CCSER1: variants seen among roughly 807,000 people sequenced by gnomAD.
The protein encoded by CCSER1 is coiled-coil serine rich protein 1, also known as serine-rich coiled-coil domain-containing protein 1.
A neutral mutation model predicts 82.0 loss-of-function variants in CCSER1; 41 were observed. That is an observed-to-expected ratio of 0.50 (90% CI 0.39 to 0.65). CCSER1 has a LOEUF of 0.65. Ranked by LOEUF, CCSER1 falls within the 30% of genes least tolerant of loss-of-function variation. The pLI is 0.00. For missense variants in CCSER1, 1,119 were observed against 1,064.2 expected (o/e 1.05, Z -0.72); for synonymous variants, 414 against 383.9 (o/e 1.08, Z -0.92).
At chr4:90,873,392 T>A (rs1340443781) in intron 8 of CCSER1, among the ~76,000 whole-genome samples, 1 of 152,122 alleles carries the variant, frequency 6.6e-6, no homozygotes, top group East Asian at 1.9e-4. Flanking sequence ...AGTGTGTCAG[T>A]TGCACTTCTT....
intron 1 of CCSER1, among the ~76,000 whole-genome samples, chr4:90,306,604 T>A (rs932021695): frequency 6.6e-6 from 1 of 152,222 alleles, no homozygotes; most frequent in African/African-American, 2.4e-5. Context: ...TGAATGCATA[T>A]CTGAAAGCAA....
At chr4:90,661,587 A>T (rs1198777506) in intron 6 of CCSER1, among the ~76,000 whole-genome samples, 1 of 152,190 alleles carries the variant, frequency 6.6e-6, no homozygotes, top group African/African-American at 2.4e-5. Context: ...GAGATGATTT[A>T]TGTTAACTAT....
At chr4:91,215,787 C>A (rs1327146834) in intron 10 of CCSER1, among the ~76,000 whole-genome samples, 2 of 152,056 alleles carry the variant, frequency 1.3e-5, no homozygotes, top group Non-Finnish European at 2.9e-5. Context: ...CAATATCAAC[C>A]ATCATATTAA....
chr4:90,941,861 G>A (rs1474255980), intron 9 of CCSER1, among the ~76,000 whole-genome samples: 1 of 151,972 alleles, frequency 6.6e-6, no homozygotes, highest in African/African-American at 2.4e-5. Context: ...TCCCTCATTG[G>A]GGGAAAGACA....
intron 9 of CCSER1, among the ~76,000 whole-genome samples, chr4:91,069,430 G>A (rs1721198692): frequency 6.6e-6 from 1 of 151,598 alleles, no homozygotes; most frequent in South Asian, 2.1e-4. Context: ...GTTAAAAAGG[G>A]TAAATAAATA....
intron 6 of CCSER1, among the ~76,000 whole-genome samples, chr4:90,685,054 C>T (rs969563772): frequency 2.0e-5 from 3 of 152,120 alleles, no homozygotes; most frequent in African/African-American, 4.8e-5. Flanking sequence ...ATTCCACTCA[C>T]TAATAATCTA....
chr4:90,213,788 A>G (rs944857375), intron 1 of CCSER1, among the ~76,000 whole-genome samples: 8 of 152,214 alleles, frequency 5.3e-5, no homozygotes, highest in African/African-American at 1.7e-4. Context: ...CAGTGGTCTT[A>G]GCAATATGAA....
At chr4:90,744,981 A>G (rs559904146) in intron 7 of CCSER1, among the ~76,000 whole-genome samples, 12 of 151,318 alleles carry the variant, frequency 7.9e-5, no homozygotes, top group African/African-American at 1.9e-4. Flanking sequence ...ATGTACTGCT[A>G]TATCTTAAAA....
At chr4:90,241,943 C>A (rs1353010668) in intron 1 of CCSER1, among the ~76,000 whole-genome samples, 1 of 152,122 alleles carries the variant, frequency 6.6e-6, no homozygotes, top group East Asian at 1.9e-4. Flanking sequence ...ATCATCAAAT[C>A]TAGTTAGTTA....
chr4:90,929,149 T>C (rs1309236749), intron 9 of CCSER1, among the ~76,000 whole-genome samples: 2 of 152,108 alleles, frequency 1.3e-5, no homozygotes. Context: ...TTAGACCTCA[T>C]TGTATATCAG....
intron 9 of CCSER1, among the ~76,000 whole-genome samples, chr4:90,999,805 G>A (rs575041652): frequency 6.9e-6 from 1 of 144,498 alleles, no homozygotes; most frequent in Non-Finnish European, 1.5e-5. Context: ...TTTTTGTTTT[G>A]TTTTGTTTTG....
At chr4:90,199,813 G>A (rs1737311123) in intron 1 of CCSER1, among the ~76,000 whole-genome samples, 1 of 152,070 alleles carries the variant, frequency 6.6e-6, no homozygotes, top group Admixed American at 6.6e-5. Context: ...TTTGAAGCAT[G>A]TCGATGTGCC....
intron 9 of CCSER1, among the ~76,000 whole-genome samples, chr4:91,021,079 T>C (rs1027076385): frequency 3.3e-5 from 5 of 152,158 alleles, no homozygotes. Context: ...ATTTTTGAAA[T>C]TAAATCCCTA....
chr4:91,010,173 C>T (rs1738888041), intron 9 of CCSER1, among the ~76,000 whole-genome samples: 1 of 152,028 alleles, frequency 6.6e-6, no homozygotes, highest in African/African-American at 2.4e-5. Context: ...ATATAGTGTT[C>T]CCAAGTGGCA....
At chr4:91,500,665 C>T (rs543517379) in intron 10 of CCSER1, among the ~76,000 whole-genome samples, 1 of 151,900 alleles carries the variant, frequency 6.6e-6, no homozygotes, top group African/African-American at 2.4e-5. Context: ...ACTATTTTGC[C>T]TTTTCTTTTG....
intron 1 of CCSER1, among the ~76,000 whole-genome samples, chr4:90,183,161 G>C (rs1241978819): frequency 6.6e-6 from 1 of 152,042 alleles, no homozygotes; most frequent in Non-Finnish European, 1.5e-5. Context: ...AGATGATGCT[G>C]AGTAAAATAT....
chr4:90,314,837 C>CTTTTTT (rs765931168), intron 3 of CCSER1, among the ~76,000 whole-genome samples: 8 of 87,600 alleles, frequency 9.1e-5, no homozygotes, highest in Non-Finnish European at 1.4e-4. Flanking sequence ...CTCAGATTTA[C>CTTTTTT]TTTTTTTTTT....
At chr4:90,872,707 T>C (rs1323970317) in intron 8 of CCSER1, among the ~76,000 whole-genome samples, 1 of 151,992 alleles carries the variant, frequency 6.6e-6, no homozygotes, top group Non-Finnish European at 1.5e-5. Context: ...CTATTACCGG[T>C]GAACTTTGTA....
intron 3 of CCSER1, among the ~76,000 whole-genome samples, chr4:90,388,419 C>T (rs1205127405): frequency 6.6e-6 from 1 of 151,914 alleles, no homozygotes; most frequent in Non-Finnish European, 1.5e-5. Flanking sequence ...AAGCGATTCT[C>T]CTGCCTCAGC....
Sources: allele counts gnomAD v4.1 joint callset (sites outside exome capture counted in the v4.1 genomes callset), GRCh38; gene constraint gnomAD v4.1.1; transcripts MANE v1.5; gene names NCBI Gene and HGNC (gene_info 2026-07-23, HGNC 2026-07-21).